MYZAP: variants seen among roughly 807,000 people sequenced by gnomAD.
The protein encoded by MYZAP is GRINL1A complex locus upstream.
Under a neutral mutation model 69.4 loss-of-function variants are expected in MYZAP, and 66 were observed. That is an observed-to-expected ratio of 0.95 (90% CI 0.78 to 1.17). MYZAP has a LOEUF of 1.17. MYZAP is among the 50% of genes most tolerant of loss of function. The pLI is 0.00. For missense variants in MYZAP, 611 were observed against 556.2 expected, an observed-to-expected ratio of 1.10 and a Z score of -0.99; for synonymous variants, 256 against 205.9, an observed-to-expected ratio of 1.24 and a Z score of -2.09.
rs374776669 is a variant in MYZAP at position 57,643,048 on chromosome 15, G to A, written c.1119+3503G>A. Among the ~76,000 whole-genome samples, 7 of 152,338 alleles carry A rather than the reference G, an allele frequency of 4.6e-5. No homozygotes were observed. The East Asian group carries it at 1.2e-3, about 25-fold the overall frequency. On this transcript the variant is annotated intron_variant, in intron 10 of 12. Transcript: ENST00000267853. ...ATTAAGTCTCCTGTCATGGATGTCA[G>A]GGGGTTGGGTATCTCCCCCATCACT... is the stretch of plus-strand genomic sequence containing the variant.
At chr15:57,599,482 C>T (rs891397030) in intron 1 of MYZAP, 3 of 1,190,664 alleles carry the variant, frequency 2.5e-6, no homozygotes, top group Admixed American at 3.3e-5. Flanking sequence ...TGGAAGGAAC[C>T]CTTGCCCCCA....
chr15:57,674,048 G>A (rs971436598), intron 11 of MYZAP, among the ~76,000 whole-genome samples: 1 of 152,148 alleles, frequency 6.6e-6, no homozygotes, highest in Non-Finnish European at 1.5e-5. Flanking sequence ...ATTTAGTCTA[G>A]CGTTACTGAA....
intron 10 of MYZAP, among the ~76,000 whole-genome samples, chr15:57,651,086 G>C (rs2037701626): frequency 6.6e-6 from 1 of 152,200 alleles, no homozygotes; most frequent in African/African-American, 2.4e-5. Flanking sequence ...TGAATAGGAG[G>C]GGAGAGGAGC....
Position 57,629,760 on chromosome 15 carries a change from T to G in MYZAP, c.584T>G (p.Leu195Arg). The G allele has an allele frequency of 6.2e-7, 1 of 1,614,016 alleles. No individual in the cohort carries two copies. Among genetic ancestry groups the G allele is most frequent in the East Asian group, 2.2e-5 (1 of 44,882 alleles). Residue 195 changes from leucine to arginine, a missense_variant, in exon 6 of 13, where the codon CTG becomes CGG. Leu to Arg is a moderately radical substitution (Grantham distance 102). Transcript: ENST00000267853. ...AACATTAAGGATCAAATCAGAAATC[T>G]GCAGCAGACGTATGAAGCATCCATG... ...NSNIKDQIRN[L>R]QQTYEASMDK...
intron 2 of MYZAP, among the ~76,000 whole-genome samples, chr15:57,616,602 C>CAT (rs2035464680): frequency 3.9e-5 from 6 of 152,000 alleles, no homozygotes; most frequent in Admixed American, 3.9e-4. Flanking sequence ...CGCCGCTGCT[C>CAT]TCCAACCTGG....
rs534227264 is a variant in MYZAP, at chr15:57,630,941, G to C, written c.678+1087G>C. ...AAGTGTGGGCCCCTTCACAGGGGTA[G>C]GCTGGGTGGGGAAGAGGGGCTGCCG... On this transcript the variant is annotated intron_variant, in intron 6 of 12. Transcript: ENST00000267853. Among the ~76,000 whole-genome samples the C allele has an allele frequency of 7.4e-4, 113 of 152,276 alleles. No individual in the cohort carries two copies. In the Middle Eastern group the frequency reaches 0.017, roughly 23 times the overall value.
chr15:57,635,311 G>A (rs1189027202), intron 8 of MYZAP, among the ~76,000 whole-genome samples: 1 of 152,182 alleles, frequency 6.6e-6, no homozygotes, highest in Non-Finnish European at 1.5e-5. Flanking sequence ...GTAAGGGTTC[G>A]ATCATTTGTG....
rs543769114 is a variant in MYZAP at position 57,663,819 on chromosome 15, G to GT, written c.1203+2295dup. 1.8e-3 allele frequency among the ~76,000 whole-genome samples: 279 copies of GT among 151,280 alleles called. 6 individuals carry two copies. The South Asian group carries it at 0.041, about 22-fold the overall frequency. Reference sequence around the variant, plus strand: ...CTAATAAGCAAGACTTTGAAAACCAGTTTTTTTTTGAGCATATCAATAATG... The same window carrying GT: ...CTAATAAGCAAGACTTTGAAAACCAGTTTTTTTTTTGAGCATATCAATAATG... On this transcript the variant is annotated intron_variant, in intron 11 of 12. Coordinates refer to ENST00000267853, the MANE Select transcript of MYZAP (RefSeq NM_001018100.5).
At chr15:57,621,754 G>A (rs988787529) in intron 4 of MYZAP, 54 bp downstream of exon 4, 2 of 1,572,620 alleles carry the variant, frequency 1.3e-6, no homozygotes, top group African/African-American at 1.4e-5. Context: ...GGCTCAGAGT[G>A]GTCCCTCAGT....
intron 10 of MYZAP, among the ~76,000 whole-genome samples, chr15:57,655,642 T>C (rs1308411853): frequency 1.3e-5 from 2 of 152,190 alleles, no homozygotes; most frequent in African/African-American, 4.8e-5. Flanking sequence ...AAAAGAACTT[T>C]TATTTCCCCT....
At chr15:57,615,985 G>A (rs1255166594) in intron 2 of MYZAP, among the ~76,000 whole-genome samples, 1 of 151,994 alleles carries the variant, frequency 6.6e-6, no homozygotes, top group African/African-American at 2.4e-5. Context: ...AAGCAATATA[G>A]AAAGGTATAA....
intron 11 of MYZAP, among the ~76,000 whole-genome samples, chr15:57,667,303 G>T (rs543370116): frequency 6.6e-6 from 1 of 152,300 alleles, no homozygotes; most frequent in East Asian, 1.9e-4. Context: ...GGGCCTGAGG[G>T]GAATGGTGGG....
At chr15:57,637,354 A>T (rs556675524) in intron 8 of MYZAP, among the ~76,000 whole-genome samples, 3 of 152,336 alleles carry the variant, frequency 2.0e-5, no homozygotes, top group Non-Finnish European at 4.4e-5. Flanking sequence ...TTCAGAAAAT[A>T]ATAAAGAATT....
rs2037014342 is a variant in MYZAP at position 57,639,550 on chromosome 15, G to A, written c.1119+5G>A. On this transcript the variant is annotated splice_donor_5th_base_variant and intron_variant, in intron 10 of 12. Coordinates refer to ENST00000267853, the MANE Select transcript of MYZAP (RefSeq NM_001018100.5). ...GTCAAGCAGATGGTCGAGGAGGTAA[G>A]CATCTGCAAAAGGTCACAGGCCTGG... The A allele has an allele frequency of 1.2e-6, 2 of 1,612,836 alleles. No individual in the cohort carries two copies. Among genetic ancestry groups the A allele is most frequent in the Non-Finnish European group, 1.7e-6 (2 of 1,179,598 alleles).
At chr15:57,636,776 T>A (rs1440657543) in intron 8 of MYZAP, among the ~76,000 whole-genome samples, 2 of 152,210 alleles carry the variant, frequency 1.3e-5, no homozygotes, top group African/African-American at 2.4e-5. Context: ...AATATACATA[T>A]ATATAGCAAA....
intron 1 of MYZAP, among the ~76,000 whole-genome samples, chr15:57,603,551 T>C (rs1172142531): frequency 6.6e-6 from 1 of 152,246 alleles, no homozygotes; most frequent in Non-Finnish European, 1.5e-5. Context: ...TTTTGATTAC[T>C]CCTGGTACCT....
In MYZAP at chr15:57,638,316, T is replaced by G. The variant is rs140472464; in HGVS notation, c.1013+542T>G. On this transcript the variant is annotated intron_variant, in intron 9 of 12. Transcript: ENST00000267853. ...CAAGGTTGAGATGATTTGAGTGTTT[T>G]GGGCAAGTGACTTAACCTCCCTGAG... Among the ~76,000 whole-genome samples the G allele has an allele frequency of 7.9e-3, 1,201 of 152,266 alleles. 20 individuals carry two copies. Among genetic ancestry groups the G allele is most frequent in the African/African-American group, 0.027 (1,136 of 41,548 alleles).
intron 2 of MYZAP, among the ~76,000 whole-genome samples, chr15:57,613,022 C>T (rs1485090505): frequency 6.6e-6 from 1 of 152,096 alleles, no homozygotes; most frequent in Non-Finnish European, 1.5e-5. Context: ...AGCTCCACCT[C>T]CCGGGTTCAC....
intron 2 of MYZAP, among the ~76,000 whole-genome samples, chr15:57,605,199 A>G (rs986471174): frequency 6.6e-6 from 1 of 152,210 alleles, no homozygotes; most frequent in Non-Finnish European, 1.5e-5. Flanking sequence ...CAAATCTGTC[A>G]TCCATGGAAC....
Sources: allele counts gnomAD v4.1 joint callset (sites outside exome capture counted in the v4.1 genomes callset), GRCh38; gene constraint gnomAD v4.1.1; transcripts MANE v1.5; gene names NCBI Gene and HGNC (gene_info 2026-07-23, HGNC 2026-07-21).